Variants in IGFN1 observed in about 807,000 individuals in gnomAD.
IGFN1 encodes the protein immunoglobulin-like and fibronectin type III domain-containing protein 1.
IGFN1 carries 253 observed loss-of-function variants against 289.5 expected under a neutral mutation model. The observed-to-expected ratio is 0.87, with a 90% CI of 0.79 to 0.97. IGFN1 has a LOEUF of 0.97. IGFN1 is among the 50% of genes least tolerant of loss of function. The pLI, the probability that IGFN1 is intolerant of heterozygous loss-of-function variation, is 0.00. For missense variants in IGFN1, 4,470 were observed against 4,686.1 expected, an observed-to-expected ratio of 0.95 and a Z score of 1.35; for synonymous variants, 1,706 against 1,788.5, an observed-to-expected ratio of 0.95 and a Z score of 1.16.
rs1653317365 is a variant in IGFN1, at chr1:201,216,616, A to T, written c.9458A>T (p.Glu3153Val). Residue 3153 changes from glutamate (E) to valine (V), a missense_variant, in exon 16 of 24, where the codon GAG (glutamate) becomes GTG (valine). Glu to Val is a moderately radical substitution (Grantham distance 121). Coordinates refer to ENST00000335211, the MANE Select transcript of IGFN1 (RefSeq NM_001164586.2). Reference sequence around the variant, plus strand: ...AGGAGCACTTGGCTGAAGGTGGGCGAGGCCCCCGCTGACAGCACCACCTTC... The same window carrying T: ...AGGAGCACTTGGCTGAAGGTGGGCGTGGCCCCCGCTGACAGCACCACCTTC... ...AGRSTWLKVGEAPADSTTFTD... is the reference protein window; with the variant it reads ...AGRSTWLKVGVAPADSTTFTD... 6.2e-7 allele frequency: 1 copy of T among 1,613,696 alleles called. No individual in the cohort carries two copies. The highest frequency in any genetic ancestry group is 1.3e-5 in the African/African-American group (1 of 74,890).
intron 5 of IGFN1, 31 bp from the exon 6 acceptor site, chr1:201,199,303 G>A (rs1667048883): frequency 5.2e-6 from 8 of 1,548,224 alleles, no homozygotes; most frequent in Middle Eastern, 1.7e-4. Flanking sequence ...TGTCCACATC[G>A]ACTCCTTCCT....
chr1:201,216,606 A>C lies in IGFN1; in HGVS notation c.9448A>C (p.Lys3150Gln), dbSNP rs764230632. ...GCAGGCTGGCAGGAGCACTTGGCTG[A>C]AGGTGGGCGAGGCCCCCGCTGACAG... Reference protein sequence around the residue: ...RRQAGRSTWLKVGEAPADSTT... With the variant: ...RRQAGRSTWLQVGEAPADSTT... Residue 3150 changes from lysine to glutamine, a missense_variant, in exon 16 of 24, where the codon AAG (lysine) becomes CAG (glutamine). Physicochemically the swap from Lys to Gln is moderately conservative, Grantham distance 53. Coordinates refer to ENST00000335211, the MANE Select transcript of IGFN1 (RefSeq NM_001164586.2). 1 of 1,613,814 alleles carries C rather than the reference A, an allele frequency of 6.2e-7. No homozygotes were observed. The highest frequency in any genetic ancestry group is 2.2e-5 in the East Asian group (1 of 44,864).
rs770050697 is a variant in IGFN1 at position 201,218,603 on chromosome 1, AG to A, written c.9845del (p.Gly3282ValfsTer18). On this transcript the variant is annotated frameshift_variant, in exon 18 of 24. Coordinates refer to ENST00000335211, the MANE Select transcript of IGFN1 (RefSeq NM_001164586.2). LOFTEE classifies it high-confidence loss of function. ...EFRVTAVAPSGPGEPGPPSDA... is the reference protein window; with the variant it reads ...EFRVTAVAPSXPGEPGPPSDA... ...TCCGGGTCACAGCTGTGGCTCCCTCAGGTCCCGGAGAGCCTGGACCTCCATC... is the reference window on the plus strand; with the variant it reads ...TCCGGGTCACAGCTGTGGCTCCCTCAGTCCCGGAGAGCCTGGACCTCCATC... 3 of 1,612,636 alleles carry A rather than the reference AG, an allele frequency of 1.9e-6. No individual in the cohort carries two copies. The highest frequency in any genetic ancestry group is 2.5e-6 in the Non-Finnish European group (3 of 1,179,888).
At chr1:201,221,373 C>G (rs1653706725) in intron 18 of IGFN1, 71 bp from the exon 19 acceptor site, 3 of 1,181,816 alleles carry the variant, frequency 2.5e-6, no homozygotes, top group Non-Finnish European at 3.5e-6. Context: ...ACAAGGAAGG[C>G]TAATCAATAT....
At chr1:201,224,150 G>A (rs970453758) in intron 20 of IGFN1, among the ~76,000 whole-genome samples, 1 of 152,180 alleles carries the variant, frequency 6.6e-6, no homozygotes, top group Admixed American at 6.5e-5. Flanking sequence ...AGCTGGGCTG[G>A]CCTTCCCACC....
chr1:201,212,870 C>G lies in IGFN1; in HGVS notation c.7977C>G (p.Ala2659=), dbSNP rs548137069. The change falls in exon 12 of 24, where the codon GCC becomes GCG. Residue 2659 remains alanine (A), a synonymous_variant. Transcript: ENST00000335211. ...CCGGTTCTCTGCAGGAGAAAGATGC[C>G]GCTTTTGGTGGGACCCATGAAGGGC... The part of the protein sequence containing the change: ...RASGSLQEKD[A]AFGGTHEGPG... 2.0e-5 allele frequency: 31 copies of G among 1,551,050 alleles called. No individual in the cohort carries two copies. Among genetic ancestry groups the G allele is most frequent in the Middle Eastern group, 1.7e-4 (1 of 6,012 alleles).
rs752771642 is a variant in IGFN1 at position 201,213,299 on chromosome 1, G to A, written c.8406G>A (p.Val2802=). 1.9e-6 allele frequency: 3 copies of A among 1,567,478 alleles called. No individual in the cohort carries two copies. The highest frequency in any genetic ancestry group is 2.6e-6 in the Non-Finnish European group (3 of 1,155,946). ...GALKEDEGQG[V]EEAGRSGRRP... is the part of the protein sequence containing the mutation. Reference sequence around the variant, plus strand: ...TAAAGGAGGATGAAGGGCAGGGAGTGGAAGAGGCTGGGAGGTCAGGCAGGA... The same window carrying A: ...TAAAGGAGGATGAAGGGCAGGGAGTAGAAGAGGCTGGGAGGTCAGGCAGGA... The change falls in exon 12 of 24, where the codon GTG becomes GTA. Residue 2802 remains valine, a synonymous_variant. Transcript: ENST00000335211.
intron 17 of IGFN1, 25 bp downstream of exon 17, chr1:201,217,485 G>A (rs1262970955): frequency 6.2e-7 from 1 of 1,612,682 alleles, no homozygotes; most frequent in African/African-American, 1.3e-5. Context: ...GGCTTCCAGA[G>A]CTTCCTTAGA....
At chr1:201,203,416 C>T (rs1722747) in intron 9 of IGFN1, among the ~76,000 whole-genome samples, 1 of 152,216 alleles carries the variant, frequency 6.6e-6, no homozygotes, top group African/African-American at 2.4e-5. Flanking sequence ...CTGCTATCCT[C>T]GCAGGGCTGC....
In IGFN1 at chr1:201,207,577, G is replaced by T. The variant is rs904379046; in HGVS notation, c.2684G>T (p.Gly895Val). The T allele has an allele frequency of 1.3e-6, 2 of 1,537,042 alleles. No individual in the cohort carries two copies. Among genetic ancestry groups the T allele is most frequent in the African/African-American group, 2.7e-5 (2 of 73,142 alleles). Residue 895 changes from glycine (G) to valine (V), a missense_variant, in exon 12 of 24, where the codon GGC becomes GTC. Transcript: ENST00000335211. The stretch of plus-strand genomic sequence containing the variant: ...AGCCACTGGCTAAGTAGGGCTCCAG[G>T]CCTGGGTGCTCAGGGATCTGGGGGG... ...ARSHWLSRAP[G>V]LGAQGSGGTL...
chr1:201,191,032 G>GA (rs1666636079), intron 1 of IGFN1, 125 bp downstream of exon 1: 1 of 152,368 alleles, frequency 6.6e-6, no homozygotes, highest in Non-Finnish European at 1.5e-5. Context: ...TCTGCCTGGG[G>GA]AACATTCCCT....
At chr1:201,203,403 C>G (rs562298059) in intron 9 of IGFN1, among the ~76,000 whole-genome samples, 1 of 152,352 alleles carries the variant, frequency 6.6e-6, no homozygotes, top group South Asian at 2.1e-4. Context: ...TGTCCGGCCT[C>G]CCCTGCTATC....
Position 201,213,282 on chromosome 1 carries a change from G to T in IGFN1, c.8389G>T (p.Asp2797Tyr), listed in dbSNP as rs1571472654. Residue 2797 changes from aspartate (D) to tyrosine (Y), a missense_variant, in exon 12 of 24, where the codon GAT becomes TAT. Physicochemically the swap from Asp to Tyr is radical, Grantham distance 160. Transcript: ENST00000335211. ...CCAGGGTCCTGGGGCCCTAAAGGAG[G>T]ATGAAGGGCAGGGAGTGGAAGAGGC... ...EVQGPGALKE[D>Y]EGQGVEEAGR... 6.4e-7 allele frequency: 1 copy of T among 1,558,056 alleles called. No individual in the cohort carries two copies. Among genetic ancestry groups the T allele is most frequent in the Non-Finnish European group, 8.7e-7 (1 of 1,150,504 alleles).
Position 201,209,723 on chromosome 1 carries a change from G to A in IGFN1, c.4830G>A (p.Glu1610=), listed in dbSNP as rs1392570207. Residue 1610 remains glutamate, a synonymous_variant, in exon 12 of 24, where the codon GAG becomes GAA. Coordinates refer to ENST00000335211, the MANE Select transcript of IGFN1 (RefSeq NM_001164586.2). ...ATAGGAAGGACTTGGGGGTTCCTGA[G>A]GGAATAGGTTCAGGAAGTAAGGCAG... ...AGYRKDLGVP[E]GIGSGSKAGF... 2.0e-6 allele frequency: 3 copies of A among 1,520,482 alleles called. No individual in the cohort carries two copies. Among genetic ancestry groups the A allele is most frequent in the African/African-American group, 2.8e-5 (2 of 71,312 alleles). The allele number at this position is 1,520,482 out of a possible 1,614,324, so 94.2% of individuals were successfully genotyped here. A position where few individuals can be genotyped will look rare whatever the true frequency, so the allele number is the denominator to read the frequency against.
In IGFN1 at chr1:201,202,899, GTGTT is replaced by G. The variant is rs1667229853; in HGVS notation, c.748-836_748-833del. Among the ~76,000 whole-genome samples the G allele has an allele frequency of 3.3e-5, 5 of 151,922 alleles. No homozygotes were observed. The South Asian group carries it at 1.0e-3, about 32-fold the overall frequency. ...GCCTCCCGAGTAGCTGGGATTACAG[GTGTT>G]TGCCACCACACCCAGCTAATTTTTT... On this transcript the variant is annotated intron_variant, in intron 9 of 23. Transcript: ENST00000335211.
chr1:201,225,081 C>T lies in IGFN1; in HGVS notation c.10486+207C>T, dbSNP rs569127938. Among the ~76,000 whole-genome samples the T allele has an allele frequency of 3.3e-5, 5 of 152,350 alleles. No homozygotes were observed. In the East Asian group the frequency reaches 9.6e-4, roughly 29 times the overall value. ...CTGGGGACTTCCATTGTCCTTCTGCCTCAGGAGCCTAGAGACAGTCATGTC... is the reference window on the plus strand; with the variant it reads ...CTGGGGACTTCCATTGTCCTTCTGCTTCAGGAGCCTAGAGACAGTCATGTC... On this transcript the variant is annotated intron_variant, in intron 21 of 23. Transcript: ENST00000335211.
chr1:201,198,399 G>T (rs1667004547), intron 5 of IGFN1, among the ~76,000 whole-genome samples: 1 of 151,562 alleles, frequency 6.6e-6, no homozygotes, highest in South Asian at 2.1e-4. Flanking sequence ...GCCTCCCAAA[G>T]TGCTGGGATT....
intron 8 of IGFN1, among the ~76,000 whole-genome samples, chr1:201,200,941 C>T (rs577634722): frequency 1.3e-5 from 2 of 151,790 alleles, no homozygotes; most frequent in Non-Finnish European, 2.9e-5. Flanking sequence ...ACGCCATTCT[C>T]CTGCCTCAGC....
In IGFN1 at chr1:201,208,865, T is replaced by G; in HGVS notation, c.3972T>G (p.Tyr1324Ter). ...GAMGSMDEAG[Y>*]RKDLGAPEGI... ...TGGGGTCAATGGATGAAGCAGGTTATAGGAAAGATTTAGGGGCTCCTGAGG... is the reference window on the plus strand; with the variant it reads ...TGGGGTCAATGGATGAAGCAGGTTAGAGGAAAGATTTAGGGGCTCCTGAGG... The change falls in exon 12 of 24, where the codon TAT becomes TAG. Residue 1324 changes from tyrosine (Y) to a stop codon, truncating the protein, a stop_gained. Coordinates refer to ENST00000335211, the MANE Select transcript of IGFN1 (RefSeq NM_001164586.2). LOFTEE classifies it high-confidence loss of function. The G allele has an allele frequency of 6.5e-7, 1 of 1,536,314 alleles. No homozygotes were observed. Among genetic ancestry groups the G allele is most frequent in the Non-Finnish European group, 8.7e-7 (1 of 1,146,690 alleles).
Sources: gnomAD v4.1 joint callset for allele counts (sites outside exome capture counted in the v4.1 genomes callset) on GRCh38, gnomAD v4.1.1 for gene constraint, MANE v1.5 for transcripts, NCBI Gene and HGNC (gene_info 2026-07-23, HGNC 2026-07-21) for gene names.